NKAIN3: variants seen among roughly 807,000 people sequenced by gnomAD.
NKAIN3 encodes the protein sodium/potassium transporting ATPase interacting 3.
Under a neutral mutation model 30.2 loss-of-function variants are expected in NKAIN3, and 25 were observed. The observed-to-expected ratio is 0.83, with a 90% confidence interval of 0.60 to 1.16. The LOEUF (loss-of-function observed/expected upper bound fraction) is 1.16. Among genes scored for constraint, NKAIN3 ranks in the 50% most tolerant of loss-of-function variants. The pLI is 0.00. For synonymous variants in NKAIN3, 91 were observed against 89.6 expected, an observed-to-expected ratio of 1.02 and a Z score of -0.09; for missense variants, 225 against 254.1, an observed-to-expected ratio of 0.89 and a Z score of 0.78.
intron 5 of NKAIN3, among the ~76,000 whole-genome samples, chr8:62,945,158 A>AT (rs1219103185): frequency 5.3e-5 from 8 of 152,198 alleles, no homozygotes; most frequent in Non-Finnish European, 8.8e-5. Context: ...TAACAAATGA[A>AT]TTTTTTAAGT....
intron 1 of NKAIN3, among the ~76,000 whole-genome samples, chr8:62,358,434 C>T (rs530890603): frequency 6.6e-6 from 1 of 151,960 alleles, no homozygotes; most frequent in East Asian, 1.9e-4. Context: ...CTACGTAAGC[C>T]AAATGAAAAA....
intron 3 of NKAIN3, among the ~76,000 whole-genome samples, chr8:62,679,315 GA>G (rs541228307): frequency 0.07 from 10,578 of 152,162 alleles, 808 homozygotes; most frequent in African/African-American, 0.19. Context: ...GACACATCCA[GA>G]GTTTGTAGTG....
At chr8:62,371,278 A>G (rs906017234) in intron 1 of NKAIN3, among the ~76,000 whole-genome samples, 1 of 151,614 alleles carries the variant, frequency 6.6e-6, no homozygotes, top group African/African-American at 2.4e-5. Flanking sequence ...TTTTTTCTTA[A>G]TTCTTTCAAG....
intron 1 of NKAIN3, among the ~76,000 whole-genome samples, chr8:62,562,908 A>C (rs1809632432): frequency 6.6e-6 from 1 of 152,114 alleles, no homozygotes; most frequent in Non-Finnish European, 1.5e-5. Flanking sequence ...AGGTTCTTAG[A>C]GAAACTTTTG....
chr8:62,500,468 A>G (rs868375067), intron 1 of NKAIN3, among the ~76,000 whole-genome samples: 246 of 132,308 alleles, frequency 1.9e-3, no homozygotes, highest in African/African-American at 6.8e-3. Context: ...AAAGAAAGAA[A>G]GAAAGAAAGA....
At chr8:62,903,905 G>A (rs1388868061) in intron 4 of NKAIN3, among the ~76,000 whole-genome samples, 4 of 152,052 alleles carry the variant, frequency 2.6e-5, no homozygotes, top group African/African-American at 7.2e-5. Flanking sequence ...CATGAGAATG[G>A]CATGGGGGAA....
intron 5 of NKAIN3, among the ~76,000 whole-genome samples, chr8:62,995,626 G>A (rs1405962398): frequency 2.0e-5 from 3 of 152,128 alleles, no homozygotes; most frequent in African/African-American, 7.2e-5. Context: ...AACACAAGGG[G>A]GAAGAAGGAA....
downstream of NKAIN3, among the ~76,000 whole-genome samples, chr8:62,987,126 C>T (rs1237128606): frequency 2.6e-5 from 4 of 152,120 alleles, no homozygotes; most frequent in Non-Finnish European, 4.4e-5. Context: ...GTAGCTCATG[C>T]CTATAATCCC....
chr8:62,720,657 T>A (rs966933171), intron 3 of NKAIN3, among the ~76,000 whole-genome samples: 7 of 152,222 alleles, frequency 4.6e-5, no homozygotes, highest in African/African-American at 1.4e-4. Context: ...CTTTTTTCTA[T>A]AGCATATTCT....
At position 62,913,705 on chromosome 8, in the gene NKAIN3, T is replaced by C. The variant is rs77190753; in HGVS notation, c.472-4748T>C. On this transcript the variant is annotated intron_variant, in intron 4 of 6. Coordinates refer to ENST00000623646, the MANE Select transcript of NKAIN3 (RefSeq NM_001304533.3). Reference sequence around the variant, plus strand: ...AAAACTAATTATGGACACAAATGAATTATTTTAATAGCAGAGTTGACAGGT... The same window carrying C: ...AAAACTAATTATGGACACAAATGAACTATTTTAATAGCAGAGTTGACAGGT... Among the ~76,000 whole-genome samples the C allele has an allele frequency of 2.6e-5, 4 of 152,310 alleles. No homozygotes were observed. The East Asian group carries it at 7.7e-4, about 29-fold the overall frequency.
intron 1 of NKAIN3, among the ~76,000 whole-genome samples, chr8:62,477,750 A>G (rs896943902): frequency 4.6e-5 from 7 of 152,138 alleles, no homozygotes; most frequent in African/African-American, 1.7e-4. Context: ...AGATGTAATC[A>G]ACAAGGCAAG....
At chr8:62,690,149 C>T (rs1813920129) in intron 3 of NKAIN3, among the ~76,000 whole-genome samples, 1 of 152,058 alleles carries the variant, frequency 6.6e-6, no homozygotes, top group Non-Finnish European at 1.5e-5. Flanking sequence ...CAGGGTGTTT[C>T]CCAGGGTCTC....
At chr8:62,912,114 GT>G (rs1299236274) in intron 4 of NKAIN3, among the ~76,000 whole-genome samples, 6 of 152,118 alleles carry the variant, frequency 3.9e-5, no homozygotes, top group African/African-American at 1.4e-4. Flanking sequence ...CTATAGCACT[GT>G]TACTGTACTG....
At chr8:62,704,844 A>G (rs1586108834) in intron 3 of NKAIN3, among the ~76,000 whole-genome samples, 1 of 152,350 alleles carries the variant, frequency 6.6e-6, no homozygotes, top group East Asian at 1.9e-4. Flanking sequence ...GCGCTAGAGC[A>G]TAACTTGCAA....
intron 1 of NKAIN3, among the ~76,000 whole-genome samples, chr8:62,385,151 C>T (rs907390345): frequency 6.6e-6 from 1 of 152,154 alleles, no homozygotes; most frequent in African/African-American, 2.4e-5. Flanking sequence ...GGAATAAGTA[C>T]TCTCCAAAGA....
At chr8:62,613,990 A>G (rs1488603273) in intron 3 of NKAIN3, among the ~76,000 whole-genome samples, 4 of 152,174 alleles carry the variant, frequency 2.6e-5, no homozygotes, top group Non-Finnish European at 5.9e-5. Context: ...GAAAGGTCAT[A>G]CATCTCTATT....
chr8:62,653,234 C>T (rs1812675849), intron 3 of NKAIN3, among the ~76,000 whole-genome samples: 1 of 152,140 alleles, frequency 6.6e-6, no homozygotes, highest in Non-Finnish European at 1.5e-5. Flanking sequence ...TCTGGTGAGG[C>T]CCCTCTTCCT....
At chr8:62,787,344 A>G (rs1817554814) in intron 4 of NKAIN3, among the ~76,000 whole-genome samples, 1 of 152,156 alleles carries the variant, frequency 6.6e-6, no homozygotes, top group Non-Finnish European at 1.5e-5. Flanking sequence ...AAAATTGAAA[A>G]GACCAAAAAC....
chr8:62,936,279 C>T (rs1822785511), intron 5 of NKAIN3, among the ~76,000 whole-genome samples: 1 of 152,096 alleles, frequency 6.6e-6, no homozygotes, highest in African/African-American at 2.4e-5. Context: ...ACATCCGCTT[C>T]CTTTCCCATC....
Sources: gnomAD v4.1 joint callset for allele counts (sites outside exome capture counted in the v4.1 genomes callset) on GRCh38, gnomAD v4.1.1 for gene constraint, MANE v1.5 for transcripts, NCBI Gene and HGNC (gene_info 2026-07-23, HGNC 2026-07-21) for gene names.